ADAMTSL1: variants seen among roughly 807,000 people sequenced by gnomAD.
The protein encoded by ADAMTSL1 is ADAMTS like 1, also known as ADAMTS-like protein 1.
In ADAMTSL1, 126 loss-of-function variants were observed where a neutral mutation model predicts 201.8. The ratio of observed to expected loss-of-function variants is 0.62; its 90% CI spans 0.54 to 0.72. The LOEUF (loss-of-function observed/expected upper bound fraction) is 0.72. Among genes scored for constraint, ADAMTSL1 ranks in the 30% least tolerant of loss-of-function variants. The pLI is 0.00. For synonymous variants in ADAMTSL1, 1,121 were observed against 903.4 expected (o/e 1.24, Z -4.32); for missense variants, 2,679 against 2,277.8 (o/e 1.18, Z -3.59).
At chr9:18,497,742 A>C (rs1822605220) in intron 1 of ADAMTSL1, among the ~76,000 whole-genome samples, 3 of 152,186 alleles carry the variant, frequency 2.0e-5, no homozygotes, top group Non-Finnish European at 4.4e-5. Flanking sequence ...TCATATCAGC[A>C]ATTATTGATT....
intron 1 of ADAMTSL1, among the ~76,000 whole-genome samples, chr9:17,937,621 C>CATGTTAATCACTCAGGTACCTCTTAAAG (rs377122481): frequency 6.6e-6 from 1 of 151,712 alleles, no homozygotes; most frequent in African/African-American, 2.4e-5. Context: ...ATTTAAATTC[C>CATGTTAATCACTCAGGTACCTCTTAAAG]TAAAATCTTG....
intron 1 of ADAMTSL1, among the ~76,000 whole-genome samples, chr9:17,933,250 A>G (rs995036776): frequency 2.0e-5 from 3 of 152,048 alleles, no homozygotes; most frequent in African/African-American, 4.8e-5. Context: ...GCTTGTGGCT[A>G]TATCACTCCA....
chr9:18,027,160 C>A (rs978972093), intron 1 of ADAMTSL1, among the ~76,000 whole-genome samples: 1 of 150,858 alleles, frequency 6.6e-6, no homozygotes, highest in Non-Finnish European at 1.5e-5. Flanking sequence ...TTTCATAGAA[C>A]AAACTTTTGA....
intron 20 of ADAMTSL1, among the ~76,000 whole-genome samples, chr9:18,807,498 A>G (rs901988236): frequency 1.3e-5 from 2 of 151,908 alleles, no homozygotes; most frequent in African/African-American, 4.8e-5. Context: ...ACAAAAAATT[A>G]GCCGGGCGCA....
chr9:18,376,739 G>C (rs1350483497), intron 2 of ADAMTSL1, among the ~76,000 whole-genome samples: 1 of 152,132 alleles, frequency 6.6e-6, no homozygotes, highest in Non-Finnish European at 1.5e-5. Context: ...CCAGGAGGCA[G>C]AGGTTGCAGT....
At chr9:18,482,050 A>G (rs1208835653) in intron 1 of ADAMTSL1, among the ~76,000 whole-genome samples, 1 of 152,236 alleles carries the variant, frequency 6.6e-6, no homozygotes, top group Non-Finnish European at 1.5e-5. Flanking sequence ...TGCAATTACT[A>G]TATGAGGTTG....
intron 2 of ADAMTSL1, among the ~76,000 whole-genome samples, chr9:18,273,327 C>T (rs1002507937): frequency 8.0e-5 from 7 of 87,624 alleles, no homozygotes; most frequent in Non-Finnish European, 1.2e-4. Flanking sequence ...GTGATCCGCC[C>T]GCGTTGGCCT....
chr9:18,668,708 G>A (rs1829622278), intron 9 of ADAMTSL1, among the ~76,000 whole-genome samples: 2 of 152,178 alleles, frequency 1.3e-5, no homozygotes, highest in African/African-American at 4.8e-5. Context: ...CCTTAGTGAG[G>A]TGCCAAGCAG....
chr9:18,564,516 C>T (rs190424493), intron 3 of ADAMTSL1, among the ~76,000 whole-genome samples: 8 of 152,346 alleles, frequency 5.3e-5, no homozygotes, highest in Middle Eastern at 3.4e-3. Context: ...TGTTTTGCAA[C>T]AGACCCAAGG....
intron 1 of ADAMTSL1, among the ~76,000 whole-genome samples, chr9:18,029,347 G>T (rs978124988): frequency 7.9e-4 from 120 of 152,132 alleles, no homozygotes; most frequent in South Asian, 2.1e-4. Context: ...TAGCCATATG[G>T]AGAAAGCTGA....
chr9:18,800,724 G>A (rs1410113378), intron 20 of ADAMTSL1, among the ~76,000 whole-genome samples: 2 of 152,166 alleles, frequency 1.3e-5, no homozygotes, highest in Admixed American at 6.5e-5. Context: ...TCTATTCAAT[G>A]GAATGCAGGA....
At chr9:18,393,925 C>G (rs1219992816) in intron 2 of ADAMTSL1, among the ~76,000 whole-genome samples, 1 of 152,172 alleles carries the variant, frequency 6.6e-6, no homozygotes, top group Non-Finnish European at 1.5e-5. Flanking sequence ...CCTCTGACTA[C>G]TAGTTGGTAA....
At chr9:18,525,039 C>T (rs1296822862) in intron 2 of ADAMTSL1, among the ~76,000 whole-genome samples, 3 of 152,084 alleles carry the variant, frequency 2.0e-5, no homozygotes, top group Non-Finnish European at 4.4e-5. Context: ...CTTGTACATC[C>T]AGTAGAATTC....
intron 2 of ADAMTSL1, among the ~76,000 whole-genome samples, chr9:18,350,154 T>C (rs1417174292): frequency 6.6e-6 from 1 of 151,962 alleles, no homozygotes; most frequent in African/African-American, 2.4e-5. Flanking sequence ...CTGGTTTGTT[T>C]TGATACATCC....
intron 14 of ADAMTSL1, among the ~76,000 whole-genome samples, chr9:18,707,899 C>G (rs759321425): frequency 6.6e-6 from 1 of 152,186 alleles, no homozygotes; most frequent in Non-Finnish European, 1.5e-5. Context: ...TTGAAATCAA[C>G]AACTGATTCT....
intron 2 of ADAMTSL1, among the ~76,000 whole-genome samples, chr9:18,314,860 G>A (rs557251584): frequency 7.5e-6 from 1 of 133,944 alleles, no homozygotes; most frequent in African/African-American, 2.9e-5. Flanking sequence ...GCAGTGGCGC[G>A]ATCTCGGCTC....
chr9:18,211,948 T>G (rs1268592822), intron 2 of ADAMTSL1, among the ~76,000 whole-genome samples: 1 of 152,192 alleles, frequency 6.6e-6, no homozygotes, highest in Non-Finnish European at 1.5e-5. Context: ...ATGACAGTGT[T>G]TCTGCAGGAA....
At chr9:18,310,398 A>AAAAAAAAAC (rs1834095925) in intron 2 of ADAMTSL1, among the ~76,000 whole-genome samples, 1 of 139,770 alleles carries the variant, frequency 7.2e-6, no homozygotes, top group Non-Finnish European at 1.5e-5. Flanking sequence ...AAAAAAAAAA[A>AAAAAAAAAC]ACTATCTTCA....
At position 18,039,718 on chromosome 9, in the gene ADAMTSL1, T is replaced by G. The variant is rs533268756; in HGVS notation, c.88-124144T>G. ...AGATACAGAGGCAAAAAACCAAGCA[T>G]GCCTTCTTTCAGCCTGTTTCTCTTA... On this transcript the variant is annotated intron_variant, in intron 1 of 29. Coordinates refer to the ADAMTSL1 transcript ENST00000680146. 1.2e-4 allele frequency among the ~76,000 whole-genome samples: 18 copies of G among 152,294 alleles called. No individual in the cohort carries two copies. In the South Asian group the frequency reaches 3.5e-3, roughly 30 times the overall value.
Sources: gnomAD v4.1 joint callset for allele counts (sites outside exome capture counted in the v4.1 genomes callset) on GRCh38, gnomAD v4.1.1 for gene constraint, MANE v1.5 for transcripts, NCBI Gene and HGNC (gene_info 2026-07-23, HGNC 2026-07-21) for gene names.